CFLAR: variants seen among roughly 807,000 people sequenced by gnomAD.
The protein encoded by CFLAR is CASP8 and FADD like apoptosis regulator, also known as CASP8 and FADD-like apoptosis regulator.
Under a neutral mutation model 51.1 loss-of-function variants are expected in CFLAR, and 14 were observed. That is an observed-to-expected ratio of 0.27 (90% confidence interval 0.18 to 0.43). The LOEUF (loss-of-function observed/expected upper bound fraction) is 0.43, where lower values mean the gene tolerates loss of function less well. CFLAR is among the 20% of genes least tolerant of loss of function. The pLI, the probability that CFLAR is intolerant of heterozygous loss-of-function variation, is 1.00. For synonymous variants in CFLAR, 210 were observed against 211.6 expected (o/e 0.99, Z 0.06); for missense variants, 390 against 566.5 (o/e 0.69, Z 3.16).
chr2:201,133,199 A>C (rs762696380), intron 3 of CFLAR, 65 bp downstream of exon 3: 6 of 1,209,710 alleles, frequency 5.0e-6, no homozygotes, highest in Non-Finnish European at 7.3e-6. Context: ...ACTCTTGTTG[A>C]TACAGAGAGA....
rs912666038 is a variant in CFLAR at position 201,162,938 on chromosome 2, G to T, written c.1305-897G>T. 5 of 690,458 alleles carry T rather than the reference G, an allele frequency of 7.2e-6. No individual in the cohort carries two copies. The Admixed American group carries it at 1.0e-4, about 14-fold the overall frequency. 42.8% of individuals were successfully genotyped at this position (690,458 alleles called of 1,614,324 possible). On this transcript the variant is annotated intron_variant, in intron 9 of 9. Coordinates refer to ENST00000309955, the MANE Select transcript of CFLAR (RefSeq NM_003879.7). ...TGCACAGTGTTTGCTTTCATACGAA[G>T]TAAGTATTAAACATCCTTGTAACTT... is the stretch of plus-strand genomic sequence containing the variant.
chr2:201,116,268 T>C lies in CFLAR; in HGVS notation c.-351T>C, dbSNP rs2047578821. On this transcript the variant is annotated 5_prime_UTR_variant, in exon 1 of 10. Coordinates refer to ENST00000309955, the MANE Select transcript of CFLAR (RefSeq NM_003879.7). This position sits in a 1 kb window ranked among gnomAD's most constrained non-coding sequence, Gnocchi z 4.8. Reference sequence around the variant, plus strand: ...TGGGGACTCGGCCTCACACAGTGAGTGCCGGCTATTGGACTTTTGTCCAGT... The same window carrying C: ...TGGGGACTCGGCCTCACACAGTGAGCGCCGGCTATTGGACTTTTGTCCAGT... The C allele has an allele frequency of 6.6e-6, 1 of 152,140 alleles. No individual in the cohort carries two copies. The highest frequency in any genetic ancestry group is 6.5e-5 in the Admixed American group (1 of 15,280). 9.4% of individuals were successfully genotyped at this position (152,140 alleles called of 1,614,324 possible). A position where few individuals can be genotyped will look rare whatever the true frequency, so the allele number is the denominator to read the frequency against.
At chr2:201,128,194 T>G (rs2048890800) in intron 1 of CFLAR, among the ~76,000 whole-genome samples, 1 of 152,200 alleles carries the variant, frequency 6.6e-6, no homozygotes, top group Non-Finnish European at 1.5e-5. Context: ...GACAAAATTG[T>G]GACTATTCAT....
rs756217022 is a variant in CFLAR at position 201,160,809 on chromosome 2, G to A, written c.1171G>A (p.Gly391Arg). Residue 391 changes from glycine (G) to arginine (R), a missense_variant, in exon 9 of 10, where the codon GGG becomes AGG. Transcript: ENST00000309955. Reference protein sequence around the residue: ...KNVEFKAQKRGLCTVHREADF... With the variant: ...KNVEFKAQKRRLCTVHREADF... ...TGTGGAATTCAAGGCTCAGAAGCGA[G>A]GGCTGTGCACAGTTCACCGAGAAGC... 1 of 1,614,104 alleles carries A rather than the reference G, an allele frequency of 6.2e-7. No homozygotes were observed. The highest frequency in any genetic ancestry group is 2.2e-5 in the East Asian group (1 of 44,882).
chr2:201,158,455 A>G (rs1037835467), intron 8 of CFLAR, among the ~76,000 whole-genome samples: 3 of 152,214 alleles, frequency 2.0e-5, no homozygotes, highest in Non-Finnish European at 4.4e-5. Flanking sequence ...GTTTTGAGGG[A>G]AGTGAACCAA....
intron 4 of CFLAR, 27 bp from the exon 5 acceptor site, chr2:201,140,330 C>T (rs774371019): frequency 4.4e-6 from 7 of 1,587,568 alleles, no homozygotes; most frequent in South Asian, 1.1e-5. Flanking sequence ...TAAGTTTTAA[C>T]TCAGTACCTC....
chr2:201,146,636 C>T (rs1422734717), intron 6 of CFLAR: 1 of 152,204 alleles, frequency 6.6e-6, no homozygotes, highest in Non-Finnish European at 1.5e-5. Context: ...AGCTGAGACT[C>T]AGTCTTACAC....
chr2:201,149,653 C>T (rs1940913718), intron 7 of CFLAR, 101 bp from the exon 8 acceptor site: 3 of 835,414 alleles, frequency 3.6e-6, no homozygotes, highest in East Asian at 2.7e-5. Context: ...GAGTGACTCA[C>T]CTGCCAAAGG....
chr2:201,176,291 C>CGG lies in CFLAR; in HGVS notation c.*12320_*12321dup, dbSNP rs1180836499. 1 of 15,712 alleles carries CGG rather than the reference C, an allele frequency of 6.4e-5. No individual in the cohort carries two copies. Among genetic ancestry groups the CGG allele is most frequent in the Non-Finnish European group, 1.7e-4 (1 of 5,908 alleles). The allele number at this position is 15,712 out of a possible 1,614,324, so 1.0% of individuals were successfully genotyped here. ...TGTTTTCTATTGCGGGGGGGGGGGG[C>CGG]GGGCGGGGGAGCTGCCTGTCCCTGG... On this transcript the variant is annotated 3_prime_UTR_variant, in exon 10 of 10. Coordinates refer to ENST00000309955, the MANE Select transcript of CFLAR (RefSeq NM_003879.7).
In CFLAR at chr2:201,138,411, C is replaced by T. The variant is rs2050441310; in HGVS notation, c.524-1946C>T. The stretch of plus-strand genomic sequence containing the variant: ...GTGCAGGTGATAATGGCCACCAGCT[C>T]ATCGCGATCATTGACGATAGGCAGC... On this transcript the variant is annotated intron_variant, in intron 4 of 9. Transcript: ENST00000309955. The surrounding 1 kb of genome is among the most constrained non-coding windows in gnomAD (Gnocchi z 4.0). 1 of 788,430 alleles carries T rather than the reference C, an allele frequency of 1.3e-6. No homozygotes were observed. The highest frequency in any genetic ancestry group is 1.3e-5 in the South Asian group (1 of 74,712). The allele number at this position is 788,430 out of a possible 1,614,324, so 48.8% of individuals were successfully genotyped here. A position where few individuals can be genotyped will look rare whatever the true frequency, so the allele number is the denominator to read the frequency against.
chr2:201,133,164 C>T (rs776569112), intron 3 of CFLAR, 30 bp downstream of exon 3: 1 of 1,562,842 alleles, frequency 6.4e-7, no homozygotes, highest in East Asian at 2.3e-5. Flanking sequence ...TTCATGGCCC[C>T]AGGAGCCTAT....
At chr2:201,158,763 T>C (rs1337520603) in intron 8 of CFLAR, among the ~76,000 whole-genome samples, 2 of 152,008 alleles carry the variant, frequency 1.3e-5, no homozygotes, top group African/African-American at 4.8e-5. Flanking sequence ...AATTTAATGA[T>C]ACTCCCAAAT....
intron 1 of CFLAR, among the ~76,000 whole-genome samples, chr2:201,121,639 A>G (rs2048194460): frequency 6.6e-6 from 1 of 152,214 alleles, no homozygotes; most frequent in Admixed American, 6.5e-5. Context: ...ATATATCCCT[A>G]GTGTTATGTA....
intron 9 of CFLAR, chr2:201,162,900 A>G: frequency 1.6e-6 from 1 of 635,300 alleles, no homozygotes; most frequent in Admixed American, 2.3e-5. Flanking sequence ...TTACTTGATC[A>G]ATCTTCAGTT....
At chr2:201,157,659 A>T (rs1408856648) in intron 8 of CFLAR, 1 of 152,394 alleles carries the variant, frequency 6.6e-6, no homozygotes, top group Non-Finnish European at 1.5e-5. Flanking sequence ...TGTAGGTGTG[A>T]GCCACTGCAC....
rs186324352 is a variant in CFLAR at position 201,131,778 on chromosome 2, T to C, written c.282-1251T>C. The stretch of plus-strand genomic sequence containing the variant: ...AGTGCAGTGGCATGATCATAGCTCA[T>C]TGTAGCTGGAAGACCTGTTTCAAGC... On this transcript the variant is annotated intron_variant, in intron 2 of 9. Transcript: ENST00000309955. 1.6e-3 allele frequency among the ~76,000 whole-genome samples: 250 copies of C among 152,198 alleles called. 4 individuals are homozygous for C. The highest frequency in any genetic ancestry group is 0.014 in the Admixed American group (209 of 15,288).
intron 6 of CFLAR, chr2:201,146,644 C>G (rs1478932305): frequency 6.6e-6 from 1 of 152,276 alleles, no homozygotes; most frequent in Non-Finnish European, 1.5e-5. Context: ...CTCAGTCTTA[C>G]ACTGATGAGG....
At position 201,160,603 on chromosome 2, in the gene CFLAR, A is replaced by T; in HGVS notation, c.965A>T (p.Tyr322Phe). The T allele has an allele frequency of 6.2e-7, 1 of 1,613,882 alleles. No individual in the cohort carries two copies. Among genetic ancestry groups the T allele is most frequent in the Middle Eastern group, 1.7e-4 (1 of 6,060 alleles). Residue 322 changes from tyrosine to phenylalanine, a missense_variant, in exon 9 of 10, where the codon TAT becomes TTT. This residue lies in a region of CFLAR where 287 missense variants were observed against 363.6 expected (regional missense o/e 0.79). Coordinates refer to ENST00000309955, the MANE Select transcript of CFLAR (RefSeq NM_003879.7). Reference protein sequence around the residue: ...LVSRGGSQSVYGVDQTHSGLP... With the variant: ...LVSRGGSQSVFGVDQTHSGLP... ...AGCCGAGGAGGCTCCCAGAGTGTGT[A>T]TGGTGTGGATCAGACTCACTCAGGG...
Position 201,138,175 on chromosome 2 carries a change from G to T in CFLAR, c.523+2068G>T. ...CCACGTTCCCCCCAATCACCTGGAGGTGGGGTTACTTTTGTTTGATGTAAT... is the reference window on the plus strand; with the variant it reads ...CCACGTTCCCCCCAATCACCTGGAGTTGGGGTTACTTTTGTTTGATGTAAT... On this transcript the variant is annotated intron_variant, in intron 4 of 9. Coordinates refer to ENST00000309955, the MANE Select transcript of CFLAR (RefSeq NM_003879.7). The surrounding 1 kb of genome is among the most constrained non-coding windows in gnomAD (Gnocchi z 4.0). 1 of 937,716 alleles carries T rather than the reference G, an allele frequency of 1.1e-6. No homozygotes were observed. The highest frequency in any genetic ancestry group is 1.8e-6 in the Non-Finnish European group (1 of 568,018). 58.1% of individuals were successfully genotyped at this position (937,716 alleles called of 1,614,324 possible). A position where few individuals can be genotyped will look rare whatever the true frequency, so the allele number is the denominator to read the frequency against.
Sources: gnomAD v4.1 joint callset for allele counts (sites outside exome capture counted in the v4.1 genomes callset) on GRCh38, gnomAD v4.1.1 for gene constraint, gnomAD v4.1.1 regional missense constraint, Gnocchi (gnomAD v3.1) non-coding constraint, MANE v1.5 for transcripts, NCBI Gene and HGNC (gene_info 2026-07-23, HGNC 2026-07-21) for gene names.